The following KLRG2 variants were observed in gnomAD, a reference collection of about 807,000 sequenced individuals.
The protein encoded by KLRG2 is killer cell lectin like receptor G2.
A neutral mutation model predicts 35.4 loss-of-function variants in KLRG2; 39 were observed. That is an observed-to-expected ratio of 1.10 (90% confidence interval 0.85 to 1.44). KLRG2 has a LOEUF of 1.44. KLRG2 is among the 40% of genes most tolerant of loss of function. KLRG2 has a pLI of 0.00. For missense variants in KLRG2, 632 were observed against 570.9 expected (o/e 1.11, Z -1.09); for synonymous variants, 283 against 265.8 (o/e 1.06, Z -0.63).
chr7:139,480,146 C>A lies in KLRG2; in HGVS notation c.859G>T (p.Gly287Ter). The A allele has an allele frequency of 1.9e-6, 3 of 1,609,468 alleles. No homozygotes were observed. The highest frequency in any genetic ancestry group is 2.6e-6 in the Non-Finnish European group (3 of 1,175,850). Reference protein sequence around the residue: ...VVIVVLASRAGARCQQCPPGW... With the variant: ...VVIVVLASRA The stretch of plus-strand genomic sequence containing the variant: ...GATGGGGACTGCAGGGACACCATAC[C>A]TGCTCTTGAGGCCAGGACCACAATG... The change falls in exon 2 of 5, where the codon GGA (glycine) becomes TGA (stop). Residue 287 changes from glycine (G) to a stop codon, truncating the protein, a stop_gained and splice_region_variant. Coordinates refer to ENST00000340940, the MANE Select transcript of KLRG2 (RefSeq NM_198508.4). LOFTEE classifies it high-confidence loss of function.
chr7:139,440,887 C>T, the KLRG2 span, among the ~76,000 whole-genome samples: 1 of 152,138 alleles, frequency 6.6e-6, no homozygotes, highest in Admixed American at 6.5e-5. Flanking sequence ...TTATATGACC[C>T]TCATCTAGCA....
In KLRG2 at chr7:139,453,021, G is replaced by A. The variant is rs1372546120; in HGVS notation, c.*566C>T. ...TGCCAACCCTTTGCCAACTCTCAGG[G>A]TGGGGAAGGAAAACCTTGCTCTCCC... On this transcript the variant is annotated 3_prime_UTR_variant, in exon 5 of 5. Coordinates refer to ENST00000340940, the MANE Select transcript of KLRG2 (RefSeq NM_198508.4). The A allele has an allele frequency of 6.5e-6, 1 of 154,042 alleles. No homozygotes were observed. Among genetic ancestry groups the A allele is most frequent in the Non-Finnish European group, 1.4e-5 (1 of 69,446 alleles). 9.5% of individuals were successfully genotyped at this position (154,042 alleles called of 1,614,324 possible). A position where few individuals can be genotyped will look rare whatever the true frequency, so the allele number is the denominator to read the frequency against.
At chr7:139,447,048 C>A in the KLRG2 span, among the ~76,000 whole-genome samples, 1 of 152,172 alleles carries the variant, frequency 6.6e-6, no homozygotes, top group African/African-American at 2.4e-5. Flanking sequence ...CTGAGACTTC[C>A]TTGCCTTCCC....
chr7:139,464,103 C>T (rs973745204), intron 3 of KLRG2, among the ~76,000 whole-genome samples: 1 of 152,122 alleles, frequency 6.6e-6, no homozygotes, highest in Non-Finnish European at 1.5e-5. Flanking sequence ...TGGGCTACAG[C>T]CACATCTCAT....
intron 3 of KLRG2, among the ~76,000 whole-genome samples, chr7:139,464,791 T>C (rs942894664): frequency 6.6e-6 from 1 of 152,252 alleles, no homozygotes; most frequent in Non-Finnish European, 1.5e-5. Flanking sequence ...GCCGCTGCTT[T>C]AATATTTTCA....
chr7:139,467,240 C>G (rs1390026667), intron 3 of KLRG2, among the ~76,000 whole-genome samples: 2 of 152,148 alleles, frequency 1.3e-5, no homozygotes, highest in African/African-American at 4.8e-5. Flanking sequence ...CGCCCCAACA[C>G]TTTACCACTA....
At chr7:139,437,915 G>A in the KLRG2 span, among the ~76,000 whole-genome samples, 1 of 152,164 alleles carries the variant, frequency 6.6e-6, no homozygotes, top group African/African-American at 2.4e-5. Context: ...TTCAGGACTG[G>A]CTGGACTCCC....
intron 3 of KLRG2, among the ~76,000 whole-genome samples, chr7:139,456,725 G>T (rs888024664): frequency 6.6e-6 from 1 of 152,132 alleles, no homozygotes; most frequent in Admixed American, 6.5e-5. Flanking sequence ...GGGCTCAAGC[G>T]ATGCTCCCAC....
the KLRG2 span, among the ~76,000 whole-genome samples, chr7:139,445,175 T>C: frequency 6.6e-6 from 1 of 151,772 alleles, no homozygotes; most frequent in South Asian, 2.1e-4. Context: ...CTGCCTCCCA[T>C]GTTGAAGTAA....
the KLRG2 span, among the ~76,000 whole-genome samples, chr7:139,438,709 CTT>C: frequency 6.8e-6 from 1 of 146,238 alleles, no homozygotes; most frequent in African/African-American, 2.6e-5. Context: ...GAGTTTCGCT[CTT>C]GTTGCCCAGG....
chr7:139,454,148 A>C lies in KLRG2; in HGVS notation c.1072T>G (p.Trp358Gly). The C allele has an allele frequency of 6.5e-7, 1 of 1,546,336 alleles. No homozygotes were observed. The highest frequency in any genetic ancestry group is 8.7e-7 in the Non-Finnish European group (1 of 1,144,414). ...AGTGGGGCCTCGTCGATCCAGTGCC[A>C]GCCCTGGGGGCCTCGCCAGGCCCCC... ...WVGAWRGPQGWHWIDEAPLPP... is the reference protein window; with the variant it reads ...WVGAWRGPQGGHWIDEAPLPP... The change falls in exon 4 of 5, where the codon TGG becomes GGG. Residue 358 changes from tryptophan (W) to glycine (G), a missense_variant. Coordinates refer to ENST00000340940, the MANE Select transcript of KLRG2 (RefSeq NM_198508.4).
At chr7:139,448,746 G>C (rs1438634162), downstream of KLRG2, 1 of 151,920 alleles carries the variant, frequency 6.6e-6, no homozygotes, top group African/African-American at 2.4e-5. Context: ...AATAGTGCTT[G>C]CTTCAGCAGC....
At chr7:139,480,439 C>CTTT (rs892455272) in intron 1 of KLRG2, among the ~76,000 whole-genome samples, 192 bp from the exon 2 acceptor site, 1,008 of 85,164 alleles carry the variant, frequency 0.012, 54 homozygotes, top group African/African-American at 0.047. Context: ...GCCAGATATT[C>CTTT]TTTTTTTTTT....
chr7:139,447,399 A>ATT, the KLRG2 span, among the ~76,000 whole-genome samples: 1 of 133,264 alleles, frequency 7.5e-6, no homozygotes, highest in African/African-American at 3.5e-5. Flanking sequence ...GACTTGGGTC[A>ATT]TTCTTTTTTT....
At chr7:139,451,966 C>CTTTT (rs58186917), downstream of KLRG2, among the ~76,000 whole-genome samples, 11 of 117,204 alleles carry the variant, frequency 9.4e-5, no homozygotes, top group African/African-American at 2.1e-4. Context: ...TTTCCATGTC[C>CTTTT]TTTTTTTTTT....
chr7:139,451,826 C>T (rs1473353536), downstream of KLRG2, among the ~76,000 whole-genome samples: 2 of 152,122 alleles, frequency 1.3e-5, no homozygotes, highest in Non-Finnish European at 2.9e-5. Context: ...GTCATTTCTC[C>T]AGGCACAGAT....
At chr7:139,445,617 C>T in the KLRG2 span, among the ~76,000 whole-genome samples, 5,509 of 150,814 alleles carry the variant, frequency 0.037, 181 homozygotes, top group African/African-American at 0.094. Flanking sequence ...CTGGAATCAT[C>T]GGCTTATTGA....
the KLRG2 span, among the ~76,000 whole-genome samples, chr7:139,428,578 T>C: frequency 6.6e-6 from 1 of 152,184 alleles, no homozygotes; most frequent in Non-Finnish European, 1.5e-5. Context: ...TTTTGATTTC[T>C]TGATATTTTT....
At chr7:139,465,367 A>G (rs964455366) in intron 3 of KLRG2, among the ~76,000 whole-genome samples, 5 of 152,202 alleles carry the variant, frequency 3.3e-5, no homozygotes, top group African/African-American at 1.2e-4. Flanking sequence ...CTCTTTAATA[A>G]AAACTCTTCT....
Sources: gnomAD v4.1 joint callset for allele counts (sites outside exome capture counted in the v4.1 genomes callset) on GRCh38, gnomAD v4.1.1 for gene constraint, MANE v1.5 for transcripts, NCBI Gene and HGNC (gene_info 2026-07-23, HGNC 2026-07-21) for gene names.